The following CFDP1 variants were observed in gnomAD, a reference collection of about 807,000 sequenced individuals.
CFDP1 encodes heterochromatin-stabilizing protein CFDP1.
In CFDP1, 31 loss-of-function variants were observed where a neutral mutation model predicts 40.1. The ratio of observed to expected loss-of-function variants is 0.77; its 90% CI spans 0.58 to 1.04. The LOEUF is 1.04. Among genes scored for constraint, CFDP1 ranks in the 50% least tolerant of loss-of-function variants. The probability of loss-of-function intolerance (pLI) is 0.00; values close to 1 mark genes in which losing one functional copy is unlikely to be tolerated. For synonymous variants in CFDP1, 167 were observed against 120.0 expected (o/e 1.39, Z -2.56); for missense variants, 423 against 343.4 (o/e 1.23, Z -1.83).
chr16:75,402,456 C>T (rs1028031182), intron 4 of CFDP1, among the ~76,000 whole-genome samples: 1 of 152,084 alleles, frequency 6.6e-6, no homozygotes, highest in African/African-American at 2.4e-5. Context: ...TCCCCCATTC[C>T]CCTAGGTTAA....
chr16:75,346,713 T>C (rs1318930091), intron 5 of CFDP1, among the ~76,000 whole-genome samples: 1 of 94,708 alleles, frequency 1.1e-5, no homozygotes, highest in Non-Finnish European at 2.2e-5. Context: ...CTCTAAAATC[T>C]TCCACTCAAA....
chr16:75,424,550 T>C (rs2079313662), intron 1 of CFDP1, among the ~76,000 whole-genome samples: 1 of 151,834 alleles, frequency 6.6e-6, no homozygotes, highest in Non-Finnish European at 1.5e-5. Flanking sequence ...GGTCAGGAGA[T>C]CAAGACCATT....
intron 6 of CFDP1, among the ~76,000 whole-genome samples, chr16:75,302,722 G>T (rs542125193): frequency 6.6e-6 from 1 of 151,544 alleles, no homozygotes; most frequent in Admixed American, 6.6e-5. Flanking sequence ...TACTGGAGCT[G>T]AATCTGAATG....
At chr16:75,378,746 G>A (rs1038246275) in intron 5 of CFDP1, among the ~76,000 whole-genome samples, 1 of 152,030 alleles carries the variant, frequency 6.6e-6, no homozygotes, top group African/African-American at 2.4e-5. Flanking sequence ...GACACTGACT[G>A]GCCGACAAAA....
intron 2 of CFDP1, among the ~76,000 whole-genome samples, 183 bp from the exon 3 acceptor site, chr16:75,412,937 G>GA (rs369207447): frequency 0.017 from 2,292 of 134,108 alleles, 25 homozygotes; most frequent in African/African-American, 0.024. Flanking sequence ...AAAAAGAATT[G>GA]AAAAAAAAAA....
chr16:75,295,977 C>T (rs957511771), intron 6 of CFDP1, among the ~76,000 whole-genome samples: 3 of 152,174 alleles, frequency 2.0e-5, no homozygotes, highest in African/African-American at 7.2e-5. Context: ...GGTCATCTTT[C>T]CACCCCAGCC....
intron 5 of CFDP1, among the ~76,000 whole-genome samples, chr16:75,331,447 CT>C (rs1019396370): frequency 6.6e-6 from 1 of 152,122 alleles, no homozygotes; most frequent in African/African-American, 2.4e-5. Flanking sequence ...TACTATTTAT[CT>C]CCCATCAGTT....
chr16:75,416,795 G>A (rs1437002612), intron 1 of CFDP1, among the ~76,000 whole-genome samples: 1 of 151,994 alleles, frequency 6.6e-6, no homozygotes, highest in Non-Finnish European at 1.5e-5. Flanking sequence ...GCGATGAGAA[G>A]GAGCCAGCTG....
At chr16:75,389,787 A>G (rs2078932378) in intron 5 of CFDP1, among the ~76,000 whole-genome samples, 1 of 152,336 alleles carries the variant, frequency 6.6e-6, no homozygotes, top group South Asian at 2.1e-4. Context: ...GAGTCTGCTG[A>G]CAGATACTAA....
intron 6 of CFDP1, among the ~76,000 whole-genome samples, chr16:75,298,351 C>T (rs1056088894): frequency 1.3e-5 from 2 of 152,158 alleles, no homozygotes; most frequent in African/African-American, 2.4e-5. Flanking sequence ...AGTGCTGACC[C>T]GACGTAGTCA....
chr16:75,405,470 T>G (rs247428), intron 4 of CFDP1, among the ~76,000 whole-genome samples: 148,434 of 152,046 alleles, frequency 0.98, 72,510 homozygotes, highest in Middle Eastern at 1. Context: ...ACAAGAGGCC[T>G]GGTGTGGTGG....
At chr16:75,378,935 C>T (rs1255464078) in intron 5 of CFDP1, among the ~76,000 whole-genome samples, 2 of 151,794 alleles carry the variant, frequency 1.3e-5, no homozygotes, top group African/African-American at 4.8e-5. Flanking sequence ...AAAGCAACAA[C>T]AGAAAGACAA....
intron 1 of CFDP1, among the ~76,000 whole-genome samples, chr16:75,422,003 T>C (rs1338640505): frequency 6.6e-6 from 1 of 152,270 alleles, no homozygotes. Flanking sequence ...ATAGTTGTTA[T>C]ACTGTATTGT....
chr16:75,328,430 C>CA (rs147289771), intron 5 of CFDP1, among the ~76,000 whole-genome samples: 27,669 of 135,432 alleles, frequency 0.2, 2,750 homozygotes, highest in Admixed American at 0.23. Context: ...TCGAAAAATA[C>CA]AAAAAAAAAA....
intron 5 of CFDP1, among the ~76,000 whole-genome samples, chr16:75,389,264 G>T (rs886446825): frequency 8.5e-5 from 13 of 152,202 alleles, no homozygotes; most frequent in African/African-American, 3.1e-4. Flanking sequence ...AGTGAGGGAA[G>T]AGGCGGATCA....
At chr16:75,432,905 G>A (rs1265796775) in intron 1 of CFDP1, among the ~76,000 whole-genome samples, 1 of 152,156 alleles carries the variant, frequency 6.6e-6, no homozygotes, top group African/African-American at 2.4e-5. Context: ...GGACGGGGTG[G>A]TGGCCAGCAG....
chr16:75,375,018 A>C (rs2078781512), intron 5 of CFDP1, among the ~76,000 whole-genome samples: 1 of 151,786 alleles, frequency 6.6e-6, no homozygotes, highest in Non-Finnish European at 1.5e-5. Context: ...TGTTGCTTGA[A>C]TTTTTAGAAG....
At chr16:75,408,700 A>T (rs1158730694) in intron 4 of CFDP1, among the ~76,000 whole-genome samples, 2 of 151,778 alleles carry the variant, frequency 1.3e-5, no homozygotes, top group Non-Finnish European at 2.9e-5. Flanking sequence ...CACTTGAACC[A>T]GAAGGCGGAG....
In CFDP1 at chr16:75,381,987, A is replaced by G. The variant is rs569570417; in HGVS notation, c.650+13103T>C. 5.3e-5 allele frequency among the ~76,000 whole-genome samples: 8 copies of G among 152,204 alleles called. No homozygotes were observed. In the South Asian group the frequency reaches 1.7e-3, roughly 32 times the overall value. On this transcript the variant is annotated intron_variant, in intron 5 of 6. Transcript: ENST00000283882. ...GACAATTAGCCAGGCATGGTGGTGCATGCCTGTAGTCCCAGCTACACAGGA... is the reference window on the plus strand; with the variant it reads ...GACAATTAGCCAGGCATGGTGGTGCGTGCCTGTAGTCCCAGCTACACAGGA...
Sources: allele counts gnomAD v4.1 joint callset (sites outside exome capture counted in the v4.1 genomes callset), GRCh38; gene constraint gnomAD v4.1.1; transcripts MANE v1.5; gene names NCBI Gene and HGNC (gene_info 2026-07-23, HGNC 2026-07-21).